C8orf89: variants seen among roughly 807,000 people sequenced by gnomAD.
The protein encoded by C8orf89 is chromosome 8 open reading frame 89.
C8orf89 carries 14 observed loss-of-function variants against 15.8 expected under a neutral mutation model. The ratio of observed to expected loss-of-function variants is 0.89; its 90% CI spans 0.59 to 1.39. The LOEUF is 1.39. Ranked by LOEUF, C8orf89 falls within the 40% of genes most tolerant of loss-of-function variation. C8orf89 has a pLI of 0.00. For synonymous variants in C8orf89, 55 were observed against 62.2 expected, an observed-to-expected ratio of 0.88 and a Z score of 0.54; for missense variants, 181 against 184.5, an observed-to-expected ratio of 0.98 and a Z score of 0.11.
At chr8:73,263,897 T>C (rs551081947), upstream of C8orf89, among the ~76,000 whole-genome samples, 73 of 152,352 alleles carry the variant, frequency 4.8e-4, no homozygotes, top group African/African-American at 1.7e-3. Flanking sequence ...GGGGGACTTA[T>C]AAGGGTAGGT....
At chr8:73,263,526 T>C (rs1291310673), upstream of C8orf89, among the ~76,000 whole-genome samples, 1 of 152,080 alleles carries the variant, frequency 6.6e-6, no homozygotes, top group Non-Finnish European at 1.5e-5. Context: ...AAAATAATAA[T>C]AAAATATTTC....
At chr8:73,274,786 AATAAGTT>A in the C8orf89 span, among the ~76,000 whole-genome samples, 1 of 152,198 alleles carries the variant, frequency 6.6e-6, no homozygotes, top group Non-Finnish European at 1.5e-5. Flanking sequence ...GTTTTACATA[AATAAGTT>A]ACACATATCT....
the C8orf89 span, among the ~76,000 whole-genome samples, chr8:73,268,210 T>C: frequency 6.6e-6 from 1 of 152,282 alleles, no homozygotes; most frequent in Non-Finnish European, 1.5e-5. Flanking sequence ...CTGGGCGCGG[T>C]GCCTCATGCC....
At chr8:73,284,104 TG>T in the C8orf89 span, among the ~76,000 whole-genome samples, 5 of 151,626 alleles carry the variant, frequency 3.3e-5, no homozygotes, top group Non-Finnish European at 7.4e-5. Context: ...AGGGAAAAAT[TG>T]AAACCAATCT....
At chr8:73,250,957 C>A (rs907485289) in intron 2 of C8orf89, among the ~76,000 whole-genome samples, 36 of 148,966 alleles carry the variant, frequency 2.4e-4, no homozygotes, top group Non-Finnish European at 2.7e-4. Context: ...TGTCACCACA[C>A]AAGGCTAATT....
the C8orf89 span, among the ~76,000 whole-genome samples, chr8:73,267,517 A>G: frequency 1.1e-4 from 16 of 152,342 alleles, no homozygotes; most frequent in South Asian, 1.0e-3. Context: ...CATATCAGGA[A>G]ATAACCAAGC....
At chr8:73,244,344 C>T (rs1321339149) in intron 3 of C8orf89, among the ~76,000 whole-genome samples, 1 of 152,062 alleles carries the variant, frequency 6.6e-6, no homozygotes. Context: ...TTTAGGGATG[C>T]TAAATAACTT....
chr8:73,280,522 C>A, the C8orf89 span, among the ~76,000 whole-genome samples: 649 of 152,210 alleles, frequency 4.3e-3, 7 homozygotes, highest in African/African-American at 0.015. Context: ...AGGCACATGG[C>A]CCCAGGCCCA....
chr8:73,262,843 A>C (rs1199074401), upstream of C8orf89, among the ~76,000 whole-genome samples: 2 of 152,128 alleles, frequency 1.3e-5, no homozygotes. Context: ...AAAAAAATCA[A>C]AATAAAAGAG....
At chr8:73,250,395 A>T (rs962547504) in intron 2 of C8orf89, 72 bp from the exon 3 acceptor site, 34 of 802,884 alleles carry the variant, frequency 4.2e-5, no homozygotes, top group Non-Finnish European at 6.4e-5. Flanking sequence ...CTTGTTGAAT[A>T]ACATCACATA....
upstream of C8orf89, among the ~76,000 whole-genome samples, chr8:73,260,255 A>G (rs1161939256): frequency 6.6e-6 from 1 of 152,144 alleles, no homozygotes; most frequent in Admixed American, 6.6e-5. Context: ...TGGATAATAC[A>G]TTTCTCTGAT....
chr8:73,252,804 G>A (rs1209193446), intron 2 of C8orf89, among the ~76,000 whole-genome samples: 1 of 152,174 alleles, frequency 6.6e-6, no homozygotes, highest in African/African-American at 2.4e-5. Flanking sequence ...AACTCAGAAT[G>A]CTATAAGTGC....
the C8orf89 span, among the ~76,000 whole-genome samples, chr8:73,279,246 C>T: frequency 6.6e-4 from 100 of 152,282 alleles, no homozygotes; most frequent in East Asian, 0.019. Flanking sequence ...ATAGAGAGAT[C>T]GATATCTATA....
intron 3 of C8orf89, 61 bp downstream of exon 3, chr8:73,250,207 A>T (rs1029564205): frequency 1.9e-6 from 2 of 1,051,276 alleles, no homozygotes; most frequent in African/African-American, 1.6e-5. Flanking sequence ...ATTTTTTTTA[A>T]AAAAAGATAA....
intron 2 of C8orf89, among the ~76,000 whole-genome samples, chr8:73,256,583 C>T (rs1318443126): frequency 6.6e-6 from 1 of 151,772 alleles, no homozygotes; most frequent in African/African-American, 2.4e-5. Context: ...CAAAAATTAG[C>T]TGGGCGTGGT....
rs1813467716 is a variant in C8orf89 at position 73,258,933 on chromosome 8, G to GT, written c.127+398dup. On this transcript the variant is annotated intron_variant, in intron 1 of 3. Transcript: ENST00000624510. ...GGCTAAGCCACTGTGCCTGGCTTTG[G>GT]TTAGAATTATTAATACATAACAGCA... is the stretch of plus-strand genomic sequence containing the variant. Among the ~76,000 whole-genome samples, 4 of 152,038 alleles carry GT rather than the reference G, an allele frequency of 2.6e-5. No individual in the cohort carries two copies. In the South Asian group the frequency reaches 8.3e-4, roughly 31 times the overall value.
chr8:73,279,771 C>T, the C8orf89 span, among the ~76,000 whole-genome samples: 3 of 152,228 alleles, frequency 2.0e-5, no homozygotes, highest in African/African-American at 2.4e-5. Context: ...ATGACTTCCA[C>T]TTGGCTCTCA....
In C8orf89 at chr8:73,250,323, C is replaced by G; in HGVS notation, c.282G>C (p.Arg94Ser). ...PRADAEVSAV[R>S]LKKTKETCSV... ...TGCATGTCTCCTTAGTCTTCTTTAGCCTGAATATTATATATTATCATAAAA... is the reference window on the plus strand; with the variant it reads ...TGCATGTCTCCTTAGTCTTCTTTAGGCTGAATATTATATATTATCATAAAA... Residue 94 changes from arginine (R) to serine (S), a missense_variant and splice_region_variant, in exon 3 of 4, where the codon AGG (arginine) becomes AGC (serine). Arg to Ser is a moderately radical substitution (Grantham distance 110, BLOSUM62 -1). Coordinates refer to ENST00000624510, the MANE Select transcript of C8orf89 (RefSeq NM_001243237.3). The G allele has an allele frequency of 6.6e-7, 1 of 1,515,704 alleles. No individual in the cohort carries two copies. Among genetic ancestry groups the G allele is most frequent in the South Asian group, 1.2e-5 (1 of 82,658 alleles). The allele number at this position is 1,515,704 out of a possible 1,614,324, so 93.9% of individuals were successfully genotyped here.
At chr8:73,253,730 CTCTG>C (rs1044492976) in intron 2 of C8orf89, among the ~76,000 whole-genome samples, 5 of 149,784 alleles carry the variant, frequency 3.3e-5, no homozygotes, top group African/African-American at 7.6e-5. Context: ...TGATTTGGCT[CTCTG>C]TCTGTTATTG....
Sources: gnomAD v4.1 joint callset for allele counts (sites outside exome capture counted in the v4.1 genomes callset) on GRCh38, gnomAD v4.1.1 for gene constraint, MANE v1.5 for transcripts, NCBI Gene and HGNC (gene_info 2026-07-23, HGNC 2026-07-21) for gene names.